Variants in ANO3 observed in about 807,000 individuals in gnomAD.
ANO3 encodes the protein anoctamin-3.
In ANO3, 99 loss-of-function variants were observed where a neutral mutation model predicts 144.8. The observed-to-expected ratio is 0.68, with a 90% confidence interval of 0.58 to 0.81. The LOEUF (loss-of-function observed/expected upper bound fraction) is 0.81, where lower values mean the gene tolerates loss of function less well. Ranked by LOEUF, ANO3 falls within the 30% of genes least tolerant of loss-of-function variation. ANO3 has a pLI of 0.00. For synonymous variants in ANO3, 414 were observed against 392.6 expected (o/e 1.05, Z -0.64); for missense variants, 905 against 1,202.2 (o/e 0.75, Z 3.66).
chr11:26,228,021 G>C lies in ANO3; in HGVS notation c.154+38691G>C, dbSNP rs2133799074. On this transcript the variant is annotated intron_variant, in intron 1 of 27. Coordinates refer to the ANO3 transcript ENST00000672621. ...GTTCAATACAGGTAAGAGCTTCCCT[G>C]TTCAGTATACAAGTTGTCATTTCAA... 2.0e-5 allele frequency among the ~76,000 whole-genome samples: 3 copies of C among 152,222 alleles called. No homozygotes were observed. In the South Asian group the frequency reaches 6.2e-4, roughly 32 times the overall value.
At chr11:26,379,044 G>A (rs112981591) in intron 1 of ANO3, among the ~76,000 whole-genome samples, 2,479 of 150,258 alleles carry the variant, frequency 0.016, 64 homozygotes, top group African/African-American at 0.058. Flanking sequence ...GAAACAGTGA[G>A]TAGGAGACTT....
chr11:26,474,736 A>G (rs1859897617), intron 4 of ANO3, among the ~76,000 whole-genome samples: 1 of 151,900 alleles, frequency 6.6e-6, no homozygotes, highest in African/African-American at 2.4e-5. Flanking sequence ...AGATGCTTCC[A>G]TCGGGAAAAT....
chr11:26,368,711 T>G (rs753468184), intron 1 of ANO3, among the ~76,000 whole-genome samples: 2 of 152,078 alleles, frequency 1.3e-5, no homozygotes, highest in Non-Finnish European at 2.9e-5. Flanking sequence ...TTCATTGGTA[T>G]GTATAAATCT....
At chr11:26,410,518 A>G (rs1212384171) in intron 1 of ANO3, among the ~76,000 whole-genome samples, 1 of 151,930 alleles carries the variant, frequency 6.6e-6, no homozygotes, top group Non-Finnish European at 1.5e-5. Flanking sequence ...CATTACCTTC[A>G]GAGGAATTGA....
At chr11:26,306,962 T>A (rs1161493927), upstream of ANO3, among the ~76,000 whole-genome samples, 1 of 152,242 alleles carries the variant, frequency 6.6e-6, no homozygotes, top group African/African-American at 2.4e-5. Context: ...GTCTACTTTT[T>A]AAAATTCCCA....
At chr11:26,218,971 G>A (rs1322543898) in intron 1 of ANO3, among the ~76,000 whole-genome samples, 2 of 152,118 alleles carry the variant, frequency 1.3e-5, no homozygotes, top group African/African-American at 2.4e-5. Context: ...ATTCTTAAAT[G>A]CTTACCACCT....
chr11:26,408,355 C>A (rs1301518684), intron 1 of ANO3, among the ~76,000 whole-genome samples: 1 of 151,716 alleles, frequency 6.6e-6, no homozygotes. Flanking sequence ...ATTTATGCAG[C>A]CAAAAAACAC....
chr11:26,496,986 A>ATATATATATG (rs1391478303), intron 4 of ANO3, among the ~76,000 whole-genome samples: 1 of 130,628 alleles, frequency 7.7e-6, no homozygotes. Context: ...ATATATATAT[A>ATATATATATG]TATATATATA....
chr11:26,249,753 G>C (rs939483507), intron 1 of ANO3, among the ~76,000 whole-genome samples: 1 of 151,466 alleles, frequency 6.6e-6, no homozygotes, highest in African/African-American at 2.4e-5. Flanking sequence ...TTTGGTCTAA[G>C]CTAAACTCTG....
chr11:26,451,630 C>G (rs1858944477), intron 3 of ANO3, among the ~76,000 whole-genome samples: 1 of 152,194 alleles, frequency 6.6e-6, no homozygotes, highest in African/African-American at 2.4e-5. Flanking sequence ...GGCCTGCCTG[C>G]CTCTGTAGGC....
At chr11:26,567,099 C>T in intron 14 of ANO3, 2 of 1,474,818 alleles carry the variant, frequency 1.4e-6, no homozygotes, top group Non-Finnish European at 9.0e-7. Flanking sequence ...GCCCATTTTG[C>T]AGATGAAGAA....
At chr11:26,371,992 G>A (rs1385009680) in intron 1 of ANO3, among the ~76,000 whole-genome samples, 1 of 152,188 alleles carries the variant, frequency 6.6e-6, no homozygotes, top group Non-Finnish European at 1.5e-5. Flanking sequence ...GCATTATTGT[G>A]TTTTGAAATG....
chr11:26,511,140 C>T (rs1378961943), intron 5 of ANO3, among the ~76,000 whole-genome samples: 2 of 152,174 alleles, frequency 1.3e-5, no homozygotes, highest in South Asian at 2.1e-4. Context: ...TGGAACCAGT[C>T]GTCCCTGCAA....
chr11:26,247,346 CCA>C (rs1316915820), intron 1 of ANO3, among the ~76,000 whole-genome samples: 2 of 152,178 alleles, frequency 1.3e-5, no homozygotes, highest in African/African-American at 2.4e-5. Context: ...TCATCTTTCT[CCA>C]GTCATTTCAA....
At chr11:26,280,174 G>T (rs1853646759) in intron 1 of ANO3, among the ~76,000 whole-genome samples, 1 of 152,146 alleles carries the variant, frequency 6.6e-6, no homozygotes, top group Non-Finnish European at 1.5e-5. Context: ...CATGTGCAGA[G>T]TTGTGCAACT....
intron 1 of ANO3, among the ~76,000 whole-genome samples, chr11:26,319,191 G>A (rs1268539365): frequency 6.7e-6 from 1 of 148,690 alleles, no homozygotes; most frequent in East Asian, 2.2e-4. Context: ...TAGAGACAGG[G>A]TCTTTCTATG....
At chr11:26,209,725 A>G (rs965818937) in intron 1 of ANO3, among the ~76,000 whole-genome samples, 1 of 152,140 alleles carries the variant, frequency 6.6e-6, no homozygotes, top group Non-Finnish European at 1.5e-5. Context: ...TTTGATTTGC[A>G]TTTCTCTAAT....
chr11:26,406,676 A>AGTGTGT (rs72102663), intron 1 of ANO3, among the ~76,000 whole-genome samples: 157 of 119,334 alleles, frequency 1.3e-3, no homozygotes, highest in Non-Finnish European at 1.6e-3. Context: ...AATCTATGGC[A>AGTGTGT]GTGTGTGTGT....
At chr11:26,481,951 G>A (rs1340541901) in intron 4 of ANO3, among the ~76,000 whole-genome samples, 2 of 151,930 alleles carry the variant, frequency 1.3e-5, no homozygotes, top group Admixed American at 6.6e-5. Context: ...GGAGTGCCGT[G>A]GTGAAATCAT....
Sources: allele counts gnomAD v4.1 joint callset (sites outside exome capture counted in the v4.1 genomes callset), GRCh38; gene constraint gnomAD v4.1.1; transcripts MANE v1.5; gene names NCBI Gene and HGNC (gene_info 2026-07-23, HGNC 2026-07-21).